The following VIRMA variants were observed in gnomAD, a reference collection of about 807,000 sequenced individuals.
VIRMA encodes the protein protein virilizer homolog.
In VIRMA, 65 loss-of-function variants were observed where a neutral mutation model predicts 182.4. The observed-to-expected ratio is 0.36, with a 90% CI of 0.29 to 0.44. The LOEUF (loss-of-function observed/expected upper bound fraction) is 0.44, where lower values mean the gene tolerates loss of function less well. VIRMA is among the 20% of genes least tolerant of loss of function. VIRMA has a pLI of 1.00. For synonymous variants in VIRMA, 709 were observed against 743.1 expected (o/e 0.95, Z 0.75); for missense variants, 1,752 against 2,158.1 (o/e 0.81, Z 3.73).
chr8:94,537,485 CTG>C (rs1460750104), intron 3 of VIRMA, among the ~76,000 whole-genome samples: 3 of 151,990 alleles, frequency 2.0e-5, no homozygotes, highest in African/African-American at 7.2e-5. Flanking sequence ...AGAAAAGCAC[CTG>C]TTTTTATTAA....
At chr8:94,546,993 T>G in intron 1 of VIRMA, 1 of 455,414 alleles carries the variant, frequency 2.2e-6, no homozygotes, top group South Asian at 1.5e-5. Context: ...GCTTGAAATC[T>G]ATCACATCCT....
At chr8:94,507,933 A>ATATG (rs1491541623) in intron 15 of VIRMA, among the ~76,000 whole-genome samples, 5 of 118,964 alleles carry the variant, frequency 4.2e-5, no homozygotes, top group African/African-American at 1.9e-4. Flanking sequence ...ATGTATGTAC[A>ATATG]TATGTGTATA....
At chr8:94,493,892 A>G (rs116644223) in intron 20 of VIRMA, among the ~76,000 whole-genome samples, 1,700 of 152,326 alleles carry the variant, frequency 0.011, 35 homozygotes, top group African/African-American at 0.038. Flanking sequence ...AGACTGCAAT[A>G]AATTTTAAAT....
At chr8:94,513,221 C>G (rs1814437191) in intron 11 of VIRMA, among the ~76,000 whole-genome samples, 2 of 152,054 alleles carry the variant, frequency 1.3e-5, no homozygotes, top group Admixed American at 1.3e-4. Context: ...GCCTGTAATC[C>G]CAGCTACTTG....
At chr8:94,509,664 A>G (rs761834577) in intron 15 of VIRMA, 24 bp downstream of exon 15, 1 of 1,593,310 alleles carries the variant, frequency 6.3e-7, no homozygotes, top group Admixed American at 1.8e-5. Context: ...GCAGAGAGAG[A>G]CTTTATAAAA....
At chr8:94,497,367 T>C (rs1813815300) in intron 17 of VIRMA, 1 of 152,226 alleles carries the variant, frequency 6.6e-6, no homozygotes, top group Non-Finnish European at 1.5e-5. Context: ...CCTCCCAAAA[T>C]GCTGAGATTA....
chr8:94,517,056 A>C (rs1170026070), intron 10 of VIRMA, among the ~76,000 whole-genome samples: 1 of 152,228 alleles, frequency 6.6e-6, no homozygotes, highest in Non-Finnish European at 1.5e-5. Flanking sequence ...ATACTTTAAA[A>C]AATAATATTC....
chr8:94,533,389 T>C (rs540634564), intron 5 of VIRMA, among the ~76,000 whole-genome samples: 2 of 152,278 alleles, frequency 1.3e-5, no homozygotes, highest in South Asian at 4.1e-4. Context: ...TTAGTGACTT[T>C]AATTACAATT....
chr8:94,494,899 A>G lies in VIRMA; in HGVS notation c.4602T>C (p.Thr1534=). The G allele has an allele frequency of 3.1e-6, 5 of 1,610,662 alleles. No homozygotes were observed. The highest frequency in any genetic ancestry group is 4.2e-6 in the Non-Finnish European group (5 of 1,177,052). Residue 1534 remains threonine (T), a synonymous_variant, in exon 20 of 24, where the codon ACT becomes ACC. Transcript: ENST00000297591. ...MDDQLKSMWF[T]PFQAEEIDTD... Reference sequence around the variant, plus strand: ...TATCTATCTCTTCAGCCTGAAATGGAGTGAACCACATAGATTTCAACTGAT... The same window carrying G: ...TATCTATCTCTTCAGCCTGAAATGGGGTGAACCACATAGATTTCAACTGAT...
At position 94,510,641 on chromosome 8, in the gene VIRMA, T is replaced by G. The variant is rs745859397; in HGVS notation, c.3402A>C (p.Pro1134=). ...TGTTGAGTGCCACTGATATATCATG[T>G]GGCTCAATAACCTGTTAAAAAAGTA... The part of the protein sequence containing the change: ...LPMQTTQVIE[P]HDISVALNTR... The change falls in exon 14 of 24, where the codon CCA becomes CCC. Residue 1134 remains proline, a synonymous_variant. Transcript: ENST00000297591. 6.2e-7 allele frequency: 1 copy of G among 1,610,908 alleles called. No individual in the cohort carries two copies. Among genetic ancestry groups the G allele is most frequent in the South Asian group, 1.1e-5 (1 of 91,024 alleles).
At chr8:94,501,945 G>A (rs1233582250) in intron 16 of VIRMA, among the ~76,000 whole-genome samples, 9 of 152,190 alleles carry the variant, frequency 5.9e-5, no homozygotes, top group South Asian at 2.1e-4. Flanking sequence ...TGTTAAGTCC[G>A]TTTGTTCCAA....
intron 5 of VIRMA, among the ~76,000 whole-genome samples, chr8:94,534,571 T>C (rs1361995131): frequency 1.3e-5 from 2 of 148,230 alleles, no homozygotes; most frequent in African/African-American, 5.0e-5. Context: ...AATCCCTCAC[T>C]TTCCCTCCTT....
At chr8:94,539,085 T>G (rs1241323096) in intron 2 of VIRMA, among the ~76,000 whole-genome samples, 26 of 151,418 alleles carry the variant, frequency 1.7e-4, no homozygotes, top group Admixed American at 1.1e-3. Context: ...TTTTTTTTTT[T>G]AAGTAGAGAC....
At chr8:94,543,272 G>A (rs570365683) in intron 2 of VIRMA, among the ~76,000 whole-genome samples, 209 of 151,566 alleles carry the variant, frequency 1.4e-3, no homozygotes, top group South Asian at 2.1e-3. Flanking sequence ...CAGGTGTGGT[G>A]GTGGGGTAAT....
At chr8:94,545,121 A>G (rs1815717478) in intron 1 of VIRMA, among the ~76,000 whole-genome samples, 1 of 152,072 alleles carries the variant, frequency 6.6e-6, no homozygotes, top group Admixed American at 6.6e-5. Flanking sequence ...ACAAAGTAAG[A>G]CTCCATCCTG....
chr8:94,490,251 G>C, intron 22 of VIRMA, 169 bp from the exon 23 acceptor site: 1 of 628,844 alleles, frequency 1.6e-6, no homozygotes, highest in Non-Finnish European at 2.6e-6. Flanking sequence ...AGAGGCTCTA[G>C]AGCCAAACTG....
intron 5 of VIRMA, 151 bp downstream of exon 5, chr8:94,534,688 A>C (rs1586103633): frequency 2.4e-5 from 18 of 736,404 alleles, no homozygotes; most frequent in Admixed American, 7.2e-5. Context: ...TCTCCCTCTC[A>C]TCTCCTCCCT....
Position 94,511,259 on chromosome 8 carries a change from G to T in VIRMA, c.3316C>A (p.Pro1106Thr). 2 of 1,613,990 alleles carry T rather than the reference G, an allele frequency of 1.2e-6. No individual in the cohort carries two copies. Among genetic ancestry groups the T allele is most frequent in the South Asian group, 1.1e-5 (1 of 91,072 alleles). Residue 1106 changes from proline to threonine, a missense_variant, in exon 13 of 24, where the codon CCT (proline) becomes ACT (threonine). By Grantham distance (38) the Pro-to-Thr change is conservative. Coordinates refer to ENST00000297591, the MANE Select transcript of VIRMA (RefSeq NM_015496.5). ...ATGAGTCCAGAAAAAAATCCTTCAG[G>T]AACCTTCAAGATTGAAGAAAGAACT... ...KEVLSSILKVPEGFFSGLILL... is the reference protein window; with the variant it reads ...KEVLSSILKVTEGFFSGLILL...
chr8:94,526,159 A>G, intron 8 of VIRMA, 64 bp downstream of exon 8: 1 of 1,314,604 alleles, frequency 7.6e-7, no homozygotes, highest in Non-Finnish European at 1.1e-6. Flanking sequence ...AAGCAAAATC[A>G]ACCACATAAA....
Sources: gnomAD v4.1 joint callset for allele counts (sites outside exome capture counted in the v4.1 genomes callset) on GRCh38, gnomAD v4.1.1 for gene constraint, MANE v1.5 for transcripts, NCBI Gene and HGNC (gene_info 2026-07-23, HGNC 2026-07-21) for gene names.